Variants in TTLL5 observed in about 807,000 individuals in gnomAD.
The protein encoded by TTLL5 is tubulin polyglutamylase TTLL5.
Under a neutral mutation model 168.4 loss-of-function variants are expected in TTLL5, and 132 were observed. The ratio of observed to expected loss-of-function variants is 0.78; its 90% CI spans 0.68 to 0.91. TTLL5 has a LOEUF of 0.91. Ranked by LOEUF, TTLL5 falls within the 40% of genes least tolerant of loss-of-function variation. The probability of loss-of-function intolerance (pLI) is 0.00; values close to 1 mark genes in which losing one functional copy is unlikely to be tolerated. For synonymous variants in TTLL5, 546 were observed against 558.6 expected (o/e 0.98, Z 0.32); for missense variants, 1,545 against 1,581.5 (o/e 0.98, Z 0.39).
intron 16 of TTLL5, 43 bp downstream of exon 16, chr14:75,745,251 G>T: frequency 6.3e-7 from 1 of 1,579,900 alleles, no homozygotes; most frequent in Non-Finnish European, 8.7e-7. Context: ...TTAACACAGG[G>T]TTTAGTGAAA....
chr14:75,724,254 G>A (rs1888041362), intron 12 of TTLL5, among the ~76,000 whole-genome samples: 1 of 152,028 alleles, frequency 6.6e-6, no homozygotes. Flanking sequence ...CACCTGTAAT[G>A]TTCAACTATG....
At chr14:75,770,635 A>T (rs1000870698) in intron 20 of TTLL5, among the ~76,000 whole-genome samples, 6 of 152,356 alleles carry the variant, frequency 3.9e-5, no homozygotes, top group African/African-American at 1.4e-4. Context: ...GAAAATCATC[A>T]GTGTCTCTCT....
chr14:75,807,448 A>G (rs929406053), intron 27 of TTLL5, among the ~76,000 whole-genome samples: 2 of 152,138 alleles, frequency 1.3e-5, no homozygotes, highest in Non-Finnish European at 2.9e-5. Context: ...CTGTGTCAAA[A>G]TTTTTTCATT....
At chr14:75,846,498 A>G (rs1896547535) in intron 28 of TTLL5, among the ~76,000 whole-genome samples, 2 of 152,226 alleles carry the variant, frequency 1.3e-5, no homozygotes, top group Admixed American at 1.3e-4. Flanking sequence ...TAAAGAATTA[A>G]AAGAGATACT....
At chr14:75,863,629 C>T in intron 28 of TTLL5, 38 bp from the exon 29 acceptor site, 1 of 1,547,430 alleles carries the variant, frequency 6.5e-7, no homozygotes, top group East Asian at 2.3e-5. Flanking sequence ...GTTCATACAG[C>T]CACTCACTCT....
chr14:75,676,337 A>T (rs1399650362), intron 3 of TTLL5, among the ~76,000 whole-genome samples: 4 of 152,206 alleles, frequency 2.6e-5, no homozygotes, highest in Admixed American at 2.0e-4. Context: ...ATATTTTTAT[A>T]TGAATTTTTC....
intron 21 of TTLL5, 22 bp downstream of exon 21, chr14:75,771,876 C>G (rs756521672): frequency 2.5e-6 from 4 of 1,583,362 alleles, no homozygotes; most frequent in Non-Finnish European, 3.4e-6. Context: ...CTTACTGAAA[C>G]CTTTTTACTT....
At chr14:75,661,828 T>G (rs1890748380) in intron 1 of TTLL5, among the ~76,000 whole-genome samples, 1 of 152,098 alleles carries the variant, frequency 6.6e-6, no homozygotes, top group Non-Finnish European at 1.5e-5. Flanking sequence ...TGTTAGACAT[T>G]GCCTATTGCG....
chr14:75,780,465 TA>T (rs202187576), intron 24 of TTLL5, among the ~76,000 whole-genome samples: 17 of 151,370 alleles, frequency 1.1e-4, no homozygotes, highest in Non-Finnish European at 2.4e-4. Context: ...GTCACCATGA[TA>T]AAAAAAAATA....
At chr14:75,940,663 C>G (rs2034572682) in intron 31 of TTLL5, among the ~76,000 whole-genome samples, 1 of 152,172 alleles carries the variant, frequency 6.6e-6, no homozygotes, top group African/African-American at 2.4e-5. Flanking sequence ...GTTAATCAGT[C>G]TTCCATTAGG....
intron 17 of TTLL5, among the ~76,000 whole-genome samples, chr14:75,752,097 G>T (rs1397456644): frequency 6.6e-6 from 1 of 152,162 alleles, no homozygotes; most frequent in African/African-American, 2.4e-5. Flanking sequence ...TGCCATCTTG[G>T]TTTTGGTGGG....
chr14:75,824,204 G>T (rs1000375050), intron 28 of TTLL5, among the ~76,000 whole-genome samples: 7 of 152,148 alleles, frequency 4.6e-5, no homozygotes, highest in African/African-American at 1.7e-4. Flanking sequence ...TTACTCTCTA[G>T]GGTATATCTT....
At chr14:75,859,738 A>C (rs1355421358) in intron 28 of TTLL5, among the ~76,000 whole-genome samples, 2 of 152,238 alleles carry the variant, frequency 1.3e-5, no homozygotes, top group East Asian at 3.8e-4. Flanking sequence ...TGAAATAGAA[A>C]GTATGAGATG....
At chr14:75,806,898 A>G (rs1438569569) in intron 27 of TTLL5, among the ~76,000 whole-genome samples, 1 of 152,210 alleles carries the variant, frequency 6.6e-6, no homozygotes, top group Non-Finnish European at 1.5e-5. Flanking sequence ...TAAATAAGTA[A>G]ATGAAGAACC....
intron 31 of TTLL5, among the ~76,000 whole-genome samples, chr14:75,931,085 C>T (rs970760572): frequency 2.0e-5 from 3 of 152,190 alleles, no homozygotes; most frequent in Non-Finnish European, 2.9e-5. Flanking sequence ...ACCTGTTCCT[C>T]CAGCCAAGAC....
At chr14:75,817,358 A>G (rs956298452) in intron 27 of TTLL5, among the ~76,000 whole-genome samples, 2 of 152,148 alleles carry the variant, frequency 1.3e-5, no homozygotes, top group Non-Finnish European at 2.9e-5. Flanking sequence ...TAAGTCATAT[A>G]TGGCCGGTGA....
At chr14:75,775,295 GT>G (rs1295400305) in intron 21 of TTLL5, among the ~76,000 whole-genome samples, 188 bp from the exon 22 acceptor site, 1 of 151,990 alleles carries the variant, frequency 6.6e-6, no homozygotes, top group Non-Finnish European at 1.5e-5. Context: ...AAGGGAATAA[GT>G]TTCTTTCATT....
Position 75,775,625 on chromosome 14 carries a change from A to G in TTLL5, c.2278A>G (p.Asn760Asp). The G allele has an allele frequency of 1.2e-6, 2 of 1,614,038 alleles. No homozygotes were observed. Among genetic ancestry groups the G allele is most frequent in the African/African-American group, 1.3e-5 (1 of 75,042 alleles). The change falls in exon 22 of 32, where the codon AAC (asparagine) becomes GAC (aspartate). Residue 760 changes from asparagine to aspartate, a missense_variant. Coordinates refer to ENST00000298832, the MANE Select transcript of TTLL5 (RefSeq NM_015072.5). ...HQLGDFIIVY[N>D]KETEQMAEKK... ...GCTGGGTGACTTTATCATTGTATACAACAAGGTAAGTCTTTTTCTGTTAGT... is the reference window on the plus strand; with the variant it reads ...GCTGGGTGACTTTATCATTGTATACGACAAGGTAAGTCTTTTTCTGTTAGT...
intron 9 of TTLL5, among the ~76,000 whole-genome samples, chr14:75,715,467 T>C (rs949258825): frequency 1.3e-5 from 2 of 151,990 alleles, no homozygotes; most frequent in African/African-American, 4.8e-5. Context: ...GTCTAGACAA[T>C]AAAAAAGAAA....
Sources: gnomAD v4.1 joint callset for allele counts (sites outside exome capture counted in the v4.1 genomes callset) on GRCh38, gnomAD v4.1.1 for gene constraint, MANE v1.5 for transcripts, NCBI Gene and HGNC (gene_info 2026-07-23, HGNC 2026-07-21) for gene names.